Variants in ITGBL1 observed in about 807,000 individuals in gnomAD.
ITGBL1 encodes the protein integrin beta-like protein 1.
Under a neutral mutation model 68.5 loss-of-function variants are expected in ITGBL1, and 51 were observed. The observed-to-expected ratio is 0.74, with a 90% CI of 0.59 to 0.94. The LOEUF (loss-of-function observed/expected upper bound fraction) is 0.94, where lower values mean the gene tolerates loss of function less well. Among genes scored for constraint, ITGBL1 ranks in the 40% least tolerant of loss-of-function variants. The probability of loss-of-function intolerance (pLI) is 0.00; values close to 1 mark genes in which losing one functional copy is unlikely to be tolerated. For synonymous variants in ITGBL1, 209 were observed against 227.3 expected (o/e 0.92, Z 0.72); for missense variants, 649 against 647.4 (o/e 1.00, Z -0.03).
At position 101,583,342 on chromosome 13, in the gene ITGBL1, A is replaced by G. The variant is rs779102692; in HGVS notation, c.854A>G (p.Asp285Gly). 6.3e-7 allele frequency: 1 copy of G among 1,586,108 alleles called. No individual in the cohort carries two copies. Among genetic ancestry groups the G allele is most frequent in the Non-Finnish European group, 8.6e-7 (1 of 1,166,882 alleles). The change falls in exon 6 of 11, where the codon GAT (aspartate) becomes GGT (glycine). Residue 285 changes from aspartate to glycine, a missense_variant. Physicochemically the swap from Asp to Gly is moderately conservative, Grantham distance 94 (BLOSUM62 -1). Coordinates refer to ENST00000376180, the MANE Select transcript of ITGBL1 (RefSeq NM_004791.3). ...AGAGCTGTCTATGACCGATATTCTG[A>G]TGACTTCTGTTCAGGTAAGGGCTCT... ...DCRAVYDRYS[D>G]DFCSGHGQCN...
At chr13:101,668,112 G>A (rs866712557) in intron 7 of ITGBL1, among the ~76,000 whole-genome samples, 43 of 152,168 alleles carry the variant, frequency 2.8e-4, no homozygotes, top group African/African-American at 9.9e-4. Flanking sequence ...CTTAGGCCAG[G>A]TGCAGTTGCT....
intron 9 of ITGBL1, among the ~76,000 whole-genome samples, chr13:101,709,371 C>CAAAAAAAAAAAAA (rs747662212): frequency 4.9e-5 from 3 of 61,196 alleles, no homozygotes; most frequent in African/African-American, 2.0e-4. Context: ...GACTCCGTCT[C>CAAAAAAAAAAAAA]AAAAAAAAAA....
intron 2 of ITGBL1, among the ~76,000 whole-genome samples, chr13:101,533,595 AC>A (rs1406841100): frequency 6.6e-6 from 1 of 152,226 alleles, no homozygotes; most frequent in Non-Finnish European, 1.5e-5. Flanking sequence ...ATTGGTTAAA[AC>A]TTTTTGATTA....
chr13:101,560,978 A>G (rs768331464), intron 2 of ITGBL1, among the ~76,000 whole-genome samples: 1 of 152,178 alleles, frequency 6.6e-6, no homozygotes, highest in Non-Finnish European at 1.5e-5. Flanking sequence ...AGTGGGACGA[A>G]TTAAAAATCC....
chr13:101,529,281 G>A (rs913056813), intron 2 of ITGBL1, among the ~76,000 whole-genome samples: 7 of 151,744 alleles, frequency 4.6e-5, no homozygotes, highest in African/African-American at 1.7e-4. Context: ...AAAAAAGCAA[G>A]GGAAAGAACT....
rs1224909489 is a variant in ITGBL1 at position 101,715,818 on chromosome 13, G to C, written c.*164G>C. The C allele has an allele frequency of 4.1e-6, 2 of 483,458 alleles. No homozygotes were observed. Among genetic ancestry groups the C allele is most frequent in the East Asian group, 6.4e-5 (2 of 31,398 alleles). The allele number at this position is 483,458 out of a possible 1,614,324, so 29.9% of individuals were successfully genotyped here. A position where few individuals can be genotyped will look rare whatever the true frequency, so the allele number is the denominator to read the frequency against. ...AAATCCGAGTACCTATTAGAAATGAGTTATGCAAATTTAGATGCAAATAAC... is the reference window on the plus strand; with the variant it reads ...AAATCCGAGTACCTATTAGAAATGACTTATGCAAATTTAGATGCAAATAAC... On this transcript the variant is annotated 3_prime_UTR_variant, in exon 11 of 11. Transcript: ENST00000376180.
At chr13:101,536,053 CTT>C (rs67314696) in intron 2 of ITGBL1, among the ~76,000 whole-genome samples, 2 of 151,050 alleles carry the variant, frequency 1.3e-5, no homozygotes, top group South Asian at 2.1e-4. Flanking sequence ...CCTTTTCTAT[CTT>C]TTTTTTTTAA....
rs1013055328 is a variant in ITGBL1, at chr13:101,664,808, A to G, written c.1016-27777A>G. Among the ~76,000 whole-genome samples, 23 of 152,318 alleles carry G rather than the reference A, an allele frequency of 1.5e-4. 1 individual carries two copies. In the South Asian group the frequency reaches 3.7e-3, roughly 25 times the overall value. On this transcript the variant is annotated intron_variant, in intron 7 of 10. Transcript: ENST00000376180. ...GAGTGCAATGGCATCATCTCAGCTC[A>G]CTGCAACCTCTGCTTTCCAGGTTAA... is the stretch of plus-strand genomic sequence containing the variant.
intron 2 of ITGBL1, among the ~76,000 whole-genome samples, chr13:101,509,976 CA>C (rs1039190082): frequency 1.3e-5 from 2 of 152,124 alleles, no homozygotes; most frequent in Non-Finnish European, 2.9e-5. Context: ...AAAGATAGTA[CA>C]AAAAAGAAAT....
At chr13:101,475,799 G>T (rs890994912) in intron 2 of ITGBL1, among the ~76,000 whole-genome samples, 4 of 148,696 alleles carry the variant, frequency 2.7e-5, no homozygotes, top group African/African-American at 9.9e-5. Flanking sequence ...TGGGGGGCAG[G>T]TGGTGGGGGC....
At chr13:101,700,935 A>C (rs2034122010) in intron 8 of ITGBL1, among the ~76,000 whole-genome samples, 1 of 152,124 alleles carries the variant, frequency 6.6e-6, no homozygotes, top group Admixed American at 6.5e-5. Flanking sequence ...TCTATTACTC[A>C]AATGTTGCTT....
At chr13:101,605,905 T>A (rs552123394) in intron 7 of ITGBL1, among the ~76,000 whole-genome samples, 2 of 142,490 alleles carry the variant, frequency 1.4e-5, no homozygotes, top group South Asian at 4.3e-4. Flanking sequence ...CGTGCATGTG[T>A]ATATGTACAC....
At chr13:101,668,916 A>C (rs1439422245) in intron 7 of ITGBL1, among the ~76,000 whole-genome samples, 1 of 152,248 alleles carries the variant, frequency 6.6e-6, no homozygotes, top group South Asian at 2.1e-4. Context: ...CACATTAAAA[A>C]TTTGTTCTAT....
rs767721277 is a variant in ITGBL1 at position 101,567,730 on chromosome 13, G to A, written c.348G>A (p.Lys116=). Residue 116 remains lysine, a synonymous_variant, in exon 3 of 11, where the codon AAG becomes AAA. Transcript: ENST00000376180. ...GTAAGTGTGACTGTGGCAAGTGCAA[G>A]TGTGACCAGGGATGGTATGGGGATG... ...GHGKCDCGKC[K]CDQGWYGDAC... 1.9e-6 allele frequency: 3 copies of A among 1,613,370 alleles called. No individual in the cohort carries two copies. The highest frequency in any genetic ancestry group is 3.3e-4 in the Middle Eastern group (2 of 6,050).
In ITGBL1 at chr13:101,524,850, A is replaced by G. The variant is rs141832121; in HGVS notation, c.317-42849A>G. Among the ~76,000 whole-genome samples the G allele has an allele frequency of 1.1e-3, 165 of 152,274 alleles. No individual in the cohort carries two copies. In the East Asian group the frequency reaches 0.023, roughly 21 times the overall value. ...TTGTTTGTGTAATTATTTAATTAAC[A>G]TCTGTTTCTCCTACTGTAGTATCAG... On this transcript the variant is annotated intron_variant, in intron 2 of 10. Transcript: ENST00000376180.
At chr13:101,597,318 TGTTA>T (rs1337356938) in intron 6 of ITGBL1, among the ~76,000 whole-genome samples, 1 of 151,808 alleles carries the variant, frequency 6.6e-6, no homozygotes, top group African/African-American at 2.4e-5. Context: ...TCTACTGGGC[TGTTA>T]ATGTCAACTT....
At chr13:101,520,634 C>A (rs150271720) in intron 2 of ITGBL1, among the ~76,000 whole-genome samples, 1 of 152,158 alleles carries the variant, frequency 6.6e-6, no homozygotes, top group Non-Finnish European at 1.5e-5. Flanking sequence ...GCACCCTGCT[C>A]ACTCCGTGGG....
chr13:101,540,775 T>G (rs2049682580), intron 2 of ITGBL1, among the ~76,000 whole-genome samples: 2 of 151,964 alleles, frequency 1.3e-5, no homozygotes, highest in African/African-American at 4.8e-5. Flanking sequence ...TTCACATCCC[T>G]TGTAAGTTGG....
At chr13:101,510,160 T>C (rs1011836029) in intron 2 of ITGBL1, among the ~76,000 whole-genome samples, 1 of 152,110 alleles carries the variant, frequency 6.6e-6, no homozygotes, top group African/African-American at 2.4e-5. Flanking sequence ...GCTCCCTTCC[T>C]CCATCCCCTC....
Sources: allele counts gnomAD v4.1 joint callset (sites outside exome capture counted in the v4.1 genomes callset), GRCh38; gene constraint gnomAD v4.1.1; transcripts MANE v1.5; gene names NCBI Gene and HGNC (gene_info 2026-07-23, HGNC 2026-07-21).